The following EHBP1 variants were observed in gnomAD, a reference collection of about 807,000 sequenced individuals.
The protein encoded by EHBP1 is EH domain binding protein 1.
EHBP1 carries 55 observed loss-of-function variants against 144.0 expected under a neutral mutation model. The ratio of observed to expected loss-of-function variants is 0.38; its 90% CI spans 0.31 to 0.48. The LOEUF (loss-of-function observed/expected upper bound fraction) is 0.48, where lower values mean the gene tolerates loss of function less well. Ranked by LOEUF, EHBP1 falls within the 20% of genes least tolerant of loss-of-function variation. EHBP1 has a pLI of 0.98. For missense variants in EHBP1, 1,200 were observed against 1,364.2 expected (o/e 0.88, Z 1.90); for synonymous variants, 469 against 472.7 (o/e 0.99, Z 0.10).
At chr2:62,774,388 A>G (rs2041908628) in intron 5 of EHBP1, among the ~76,000 whole-genome samples, 1 of 151,892 alleles carries the variant, frequency 6.6e-6, no homozygotes, top group African/African-American at 2.4e-5. Context: ...AAAAAAAAAA[A>G]AAGAGAGAAA....
chr2:62,949,299 G>T (rs1171163285), intron 13 of EHBP1, 137 bp downstream of exon 13: 4 of 769,764 alleles, frequency 5.2e-6, no homozygotes, highest in African/African-American at 1.8e-5. Context: ...GAGGCATGTA[G>T]TAATGTGTGC....
intron 10 of EHBP1, among the ~76,000 whole-genome samples, chr2:62,900,123 T>C (rs887742182): frequency 2.0e-5 from 3 of 152,330 alleles, no homozygotes; most frequent in Non-Finnish European, 4.4e-5. Context: ...TTAAGGGTTC[T>C]ATGGTGCATT....
At chr2:62,855,028 G>C (rs1336672819) in intron 7 of EHBP1, among the ~76,000 whole-genome samples, 1 of 152,180 alleles carries the variant, frequency 6.6e-6, no homozygotes, top group Non-Finnish European at 1.5e-5. Context: ...CTGTGGACCT[G>C]GGCCTCCCAC....
chr2:62,996,070 A>T (rs2059615679), intron 18 of EHBP1, among the ~76,000 whole-genome samples: 1 of 152,112 alleles, frequency 6.6e-6, no homozygotes, highest in Non-Finnish European at 1.5e-5. Context: ...AGCCAGCTGG[A>T]GGGAAAATTG....
At chr2:62,993,763 A>C (rs1028814505) in intron 17 of EHBP1, 95 bp downstream of exon 17, 3 of 788,150 alleles carry the variant, frequency 3.8e-6, no homozygotes, top group South Asian at 4.9e-5. Context: ...TATATAGCAT[A>C]TATATATAGT....
intron 7 of EHBP1, among the ~76,000 whole-genome samples, chr2:62,842,195 T>C (rs1356066289): frequency 6.6e-6 from 1 of 152,068 alleles, no homozygotes; most frequent in African/African-American, 2.4e-5. Flanking sequence ...CAAGGGATTC[T>C]CCTGCCTCAG....
intron 3 of EHBP1, among the ~76,000 whole-genome samples, chr2:62,748,150 A>C (rs1016202247): frequency 9.9e-5 from 15 of 152,146 alleles, no homozygotes; most frequent in African/African-American, 3.6e-4. Flanking sequence ...ACCACTTACA[A>C]AATTGTACCT....
In EHBP1 at chr2:62,907,018, T is replaced by C. The variant is rs2053861806; in HGVS notation, c.1185+32486T>C. ...TAAGTAGTATTTCACGATATGGTTA[T>C]ACCACAGTTTAACCACTCACCTGTT... On this transcript the variant is annotated intron_variant, in intron 10 of 22. Coordinates refer to ENST00000431489, the MANE Select transcript of EHBP1 (RefSeq NM_001142616.3). 2.0e-5 allele frequency among the ~76,000 whole-genome samples: 3 copies of C among 152,236 alleles called. No homozygotes were observed. The South Asian group carries it at 6.2e-4, about 31-fold the overall frequency.
chr2:62,723,763 C>T (rs2036466094), intron 2 of EHBP1, among the ~76,000 whole-genome samples: 1 of 152,130 alleles, frequency 6.6e-6, no homozygotes, highest in African/African-American at 2.4e-5. Flanking sequence ...ACATGAAATT[C>T]TGGGTTGGAA....
At chr2:62,699,237 T>C (rs1220185481) in intron 1 of EHBP1, among the ~76,000 whole-genome samples, 1 of 152,226 alleles carries the variant, frequency 6.6e-6, no homozygotes, top group Non-Finnish European at 1.5e-5. Flanking sequence ...TGGATTTTTT[T>C]TCCAGTTTTT....
At chr2:62,863,494 A>T (rs2049769494) in intron 8 of EHBP1, among the ~76,000 whole-genome samples, 1 of 152,246 alleles carries the variant, frequency 6.6e-6, no homozygotes, top group Non-Finnish European at 1.5e-5. Context: ...ATTTGAAATA[A>T]TAAAAGCTAG....
chr2:62,896,194 A>G (rs914735458), intron 10 of EHBP1, among the ~76,000 whole-genome samples: 1 of 152,220 alleles, frequency 6.6e-6, no homozygotes, highest in Non-Finnish European at 1.5e-5. Flanking sequence ...GATAATAAGG[A>G]GACAACAGTA....
At chr2:63,001,536 T>C (rs193141602) in intron 19 of EHBP1, among the ~76,000 whole-genome samples, 204 of 152,282 alleles carry the variant, frequency 1.3e-3, no homozygotes, top group Admixed American at 3.5e-3. Context: ...AAAATCAAGA[T>C]GACAGTAATG....
intron 5 of EHBP1, among the ~76,000 whole-genome samples, chr2:62,781,648 A>G (rs1195642541): frequency 6.6e-6 from 1 of 152,162 alleles, no homozygotes; most frequent in Non-Finnish European, 1.5e-5. Context: ...AGAGGTCTGG[A>G]GGCAAGAGAG....
At chr2:62,921,265 G>A (rs1286619479) in intron 10 of EHBP1, among the ~76,000 whole-genome samples, 3 of 151,998 alleles carry the variant, frequency 2.0e-5, no homozygotes, top group Admixed American at 2.0e-4. Context: ...GGGCAACATA[G>A]CGAAACCCCA....
At chr2:62,806,700 C>G (rs2044521300) in intron 5 of EHBP1, among the ~76,000 whole-genome samples, 1 of 151,910 alleles carries the variant, frequency 6.6e-6, no homozygotes, top group African/African-American at 2.4e-5. Flanking sequence ...TCTTTCTTTT[C>G]TTAGCTTCTC....
At chr2:62,725,636 C>G (rs774831149) in intron 2 of EHBP1, among the ~76,000 whole-genome samples, 8 of 152,168 alleles carry the variant, frequency 5.3e-5, no homozygotes, top group Non-Finnish European at 1.0e-4. Flanking sequence ...TTGGATGGCT[C>G]TGTGCCTGCC....
chr2:63,044,992 G>T (rs539744210), intron 21 of EHBP1, 74 bp from the exon 22 acceptor site: 1 of 1,100,624 alleles, frequency 9.1e-7, no homozygotes, highest in African/African-American at 1.6e-5. Context: ...ACTGGAAAAG[G>T]CGGGAAGGGG....
intron 19 of EHBP1, among the ~76,000 whole-genome samples, chr2:63,014,978 CA>C (rs372407408): frequency 2.1e-5 from 3 of 145,490 alleles, no homozygotes; most frequent in Non-Finnish European, 1.5e-5. Flanking sequence ...AACTCTGTCT[CA>C]AAAAAAAAAG....
Sources: allele counts gnomAD v4.1 joint callset (sites outside exome capture counted in the v4.1 genomes callset), GRCh38; gene constraint gnomAD v4.1.1; transcripts MANE v1.5; gene names NCBI Gene and HGNC (gene_info 2026-07-23, HGNC 2026-07-21).